The following GDA variants were observed in gnomAD, a reference collection of about 807,000 sequenced individuals.
GDA encodes cytoplasmic PSD-95 interactor.
In GDA, 18 loss-of-function variants were observed where a neutral mutation model predicts 59.6. The observed-to-expected ratio is 0.30, with a 90% CI of 0.21 to 0.45. GDA has a LOEUF of 0.45. Among genes scored for constraint, GDA ranks in the 20% least tolerant of loss-of-function variants. The probability of loss-of-function intolerance (pLI) is 1.00; values close to 1 mark genes in which losing one functional copy is unlikely to be tolerated. For missense variants in GDA, 427 were observed against 552.3 expected (o/e 0.77, Z 2.27); for synonymous variants, 201 against 201.1 (o/e 1.00, Z 0.00).
intron 5 of GDA, 67 bp downstream of exon 5, chr9:72,214,058 G>C: frequency 1.1e-6 from 1 of 876,560 alleles, no homozygotes; most frequent in Admixed American, 1.9e-5. Context: ...TGGAGTTAGA[G>C]ATGGAAAAAG....
At chr9:72,146,136 G>C (rs1162073975), upstream of GDA, among the ~76,000 whole-genome samples, 1 of 151,818 alleles carries the variant, frequency 6.6e-6, no homozygotes, top group African/African-American at 2.4e-5. Context: ...AAAGGTGAGG[G>C]GGGGTTGGGG....
chr9:72,140,500 T>C (rs1199463925), intron 1 of GDA, among the ~76,000 whole-genome samples: 1 of 152,164 alleles, frequency 6.6e-6, no homozygotes, highest in Non-Finnish European at 1.5e-5. Flanking sequence ...TTGTTGTTGT[T>C]GTTATGCAAA....
intron 13 of GDA, among the ~76,000 whole-genome samples, chr9:72,247,706 C>T (rs529239682): frequency 1.0e-3 from 155 of 152,264 alleles, no homozygotes; most frequent in African/African-American, 3.6e-3. Context: ...ATGTTCAACC[C>T]TCTTGTACTC....
upstream of GDA, among the ~76,000 whole-genome samples, chr9:72,146,036 A>G (rs530934191): frequency 2.0e-5 from 3 of 151,048 alleles, 1 homozygote; most frequent in African/African-American, 7.3e-5. Flanking sequence ...TTTGGGGTAT[A>G]GATGAGTAAT....
At position 72,250,901 on chromosome 9, in the gene GDA, A is replaced by G; in HGVS notation, c.*2559A>G. 1 of 1,424,386 alleles carries G rather than the reference A, an allele frequency of 7.0e-7. No individual in the cohort carries two copies. The highest frequency in any genetic ancestry group is 1.2e-5 in the South Asian group (1 of 86,202). 88.2% of individuals were successfully genotyped at this position (1,424,386 alleles called of 1,614,324 possible). ...TTCACAAAATATTTTTGCAACCAGA[A>G]CACAAAAGCAGGCTAGTCAGCTAAG... On this transcript the variant is annotated 3_prime_UTR_variant, in exon 14 of 14. Coordinates refer to ENST00000358399, the MANE Select transcript of GDA (RefSeq NM_004293.5).
intron 2 of GDA, among the ~76,000 whole-genome samples, chr9:72,201,452 G>A (rs927828605): frequency 3.3e-5 from 5 of 152,132 alleles, no homozygotes; most frequent in Admixed American, 6.5e-5. Context: ...AGGCTTTCTT[G>A]TAGTCAGACA....
At chr9:72,245,380 G>A in intron 12 of GDA, 102 bp downstream of exon 12, 2 of 812,926 alleles carry the variant, frequency 2.5e-6, no homozygotes, top group Non-Finnish European at 4.1e-6. Context: ...TTAATGGAAT[G>A]CAGGAAAATC....
intron 1 of GDA, among the ~76,000 whole-genome samples, chr9:72,174,761 T>TATATAG (rs1554660885): frequency 6.9e-6 from 1 of 145,636 alleles, no homozygotes; most frequent in South Asian, 2.2e-4. Flanking sequence ...TATATATATA[T>TATATAG]AGAGAGAGAG....
Position 72,219,526 on chromosome 9 carries a change from G to A in GDA, c.606+20G>A, listed in dbSNP as rs747646437. On this transcript the variant is annotated intron_variant, in intron 6 of 13. Coordinates refer to ENST00000358399, the MANE Select transcript of GDA (RefSeq NM_004293.5). The stretch of plus-strand genomic sequence containing the variant: ...AAGAACGTGAGTAACTTTGTTCAGA[G>A]CTCGCTTTTAGATTGCCTTTGCATT... The A allele has an allele frequency of 1.9e-6, 3 of 1,585,464 alleles. No homozygotes were observed. The African/African-American group carries it at 4.1e-5, about 21-fold the overall frequency.
intron 2 of GDA, among the ~76,000 whole-genome samples, chr9:72,199,520 C>G (rs1170340885): frequency 6.6e-6 from 1 of 152,172 alleles, no homozygotes; most frequent in African/African-American, 2.4e-5. Flanking sequence ...CATAAAGTGA[C>G]TTGAACTCTT....
At chr9:72,201,192 AATTT>A (rs1833962394) in intron 2 of GDA, among the ~76,000 whole-genome samples, 1 of 131,210 alleles carries the variant, frequency 7.6e-6, no homozygotes. Context: ...AGTCACACAG[AATTT>A]TTTTTTTTTT....
intron 1 of GDA, among the ~76,000 whole-genome samples, chr9:72,136,853 T>C (rs1478716264): frequency 1.3e-5 from 2 of 152,038 alleles, no homozygotes; most frequent in Non-Finnish European, 2.9e-5. Flanking sequence ...CAGGTGCCTG[T>C]AGTCCCAGCT....
At chr9:72,168,802 C>A (rs757674708) in intron 1 of GDA, among the ~76,000 whole-genome samples, 2 of 152,154 alleles carry the variant, frequency 1.3e-5, no homozygotes, top group Non-Finnish European at 2.9e-5. Context: ...CTCTATTTTT[C>A]AGATGAGGAA....
intron 6 of GDA, among the ~76,000 whole-genome samples, chr9:72,219,916 A>G (rs763270217): frequency 2.0e-5 from 3 of 152,144 alleles, no homozygotes; most frequent in Non-Finnish European, 2.9e-5. Context: ...CAGCAATCCC[A>G]CTTTTGGGTG....
rs758412761 is a variant in GDA, at chr9:72,183,631, G to A, written c.124-11869G>A. Reference sequence around the variant, plus strand: ...TCAGGATTTATTACCTGCCAGATGCGTAATTTTGGGCAAGGTACTTAACAT... The same window carrying A: ...TCAGGATTTATTACCTGCCAGATGCATAATTTTGGGCAAGGTACTTAACAT... On this transcript the variant is annotated intron_variant, in intron 1 of 13. Coordinates refer to ENST00000358399, the MANE Select transcript of GDA (RefSeq NM_004293.5). Among the ~76,000 whole-genome samples the A allele has an allele frequency of 5.3e-5, 8 of 152,178 alleles. No individual in the cohort carries two copies. In the South Asian group the frequency reaches 8.3e-4, roughly 16 times the overall value.
At chr9:72,161,704 G>A (rs1159024117) in intron 1 of GDA, among the ~76,000 whole-genome samples, 1 of 152,146 alleles carries the variant, frequency 6.6e-6, no homozygotes, top group African/African-American at 2.4e-5. Flanking sequence ...TTGAAATGTT[G>A]CTTGTAAATG....
intron 4 of GDA, 21 bp from the exon 5 acceptor site, chr9:72,213,865 C>G: frequency 6.2e-6 from 8 of 1,295,662 alleles, no homozygotes; most frequent in South Asian, 2.4e-5. Context: ...CCTTCATATT[C>G]TTTTTGTGTA....
intron 1 of GDA, among the ~76,000 whole-genome samples, chr9:72,173,578 G>A (rs1046139793): frequency 6.6e-6 from 1 of 151,882 alleles, no homozygotes; most frequent in African/African-American, 2.4e-5. Flanking sequence ...TGATCCAACC[G>A]CCTCAGCCTC....
At chr9:72,257,670 C>T (rs1411469859), downstream of GDA, 1 of 152,436 alleles carries the variant, frequency 6.6e-6, no homozygotes, top group Non-Finnish European at 1.5e-5. Flanking sequence ...GCCTGTAATC[C>T]CAACACTTTG....
Sources: allele counts gnomAD v4.1 joint callset (sites outside exome capture counted in the v4.1 genomes callset), GRCh38; gene constraint gnomAD v4.1.1; transcripts MANE v1.5; gene names NCBI Gene and HGNC (gene_info 2026-07-23, HGNC 2026-07-21).